USP1: variants seen among roughly 807,000 people sequenced by gnomAD.
USP1 encodes ubiquitin carboxyl-terminal hydrolase 1.
A neutral mutation model predicts 72.2 loss-of-function variants in USP1; 18 were observed. The ratio of observed to expected loss-of-function variants is 0.25; its 90% confidence interval spans 0.17 to 0.37. USP1 has a LOEUF of 0.37. Among genes scored for constraint, USP1 ranks in the 10% least tolerant of loss-of-function variants. The pLI, the probability that USP1 is intolerant of heterozygous loss-of-function variation, is 1.00. For missense variants in USP1, 759 were observed against 884.9 expected (o/e 0.86, Z 1.81); for synonymous variants, 354 against 303.7 (o/e 1.17, Z -1.72).
At chr1:62,440,757 G>A (rs1267509814) in intron 2 of USP1, among the ~76,000 whole-genome samples, 1 of 152,106 alleles carries the variant, frequency 6.6e-6, no homozygotes, top group African/African-American at 2.4e-5. Context: ...AGGTGCTAGA[G>A]TAATAATAGC....
rs534244761 is a variant in USP1, at chr1:62,439,811, A to G, written c.-57A>G. ...CTGTGATTAACAGATATAATTGGTG[A>G]TTACAACTTTCCTCTATAAATTAAC... is the stretch of plus-strand genomic sequence containing the variant. On this transcript the variant is annotated 5_prime_UTR_variant, in exon 2 of 9. It removes the in-frame stop codon of an upstream open reading frame in the 5' UTR. Transcript: ENST00000339950. 4 of 1,308,536 alleles carry G rather than the reference A, an allele frequency of 3.1e-6. No individual in the cohort carries two copies. The highest frequency in any genetic ancestry group is 1.5e-5 in the African/African-American group (1 of 66,260). 81.1% of individuals were successfully genotyped at this position (1,308,536 alleles called of 1,614,324 possible).
intron 1 of USP1, among the ~76,000 whole-genome samples, chr1:62,438,302 G>C (rs940845592): frequency 2.0e-5 from 3 of 152,072 alleles, no homozygotes; most frequent in Non-Finnish European, 4.4e-5. Context: ...TTAATGCTTG[G>C]CGATCCCTGA....
intron 8 of USP1, 116 bp downstream of exon 8, chr1:62,448,782 G>T: frequency 9.3e-7 from 1 of 1,069,612 alleles, no homozygotes; most frequent in Non-Finnish European, 1.3e-6. Flanking sequence ...AGATTGTAAA[G>T]ATTGCTTCAG....
intron 6 of USP1, among the ~76,000 whole-genome samples, chr1:62,446,711 G>A (rs1398385686): frequency 6.6e-6 from 1 of 152,182 alleles, no homozygotes; most frequent in Admixed American, 6.5e-5. Context: ...TATTGATATA[G>A]TGAATAGTTT....
At chr1:62,437,724 C>T (rs1292549221) in intron 1 of USP1, among the ~76,000 whole-genome samples, 10 of 152,236 alleles carry the variant, frequency 6.6e-5, no homozygotes, top group Admixed American at 5.9e-4. Context: ...CTTTCCGTTC[C>T]CGAGAGCGGT....
intron 2 of USP1, 25 bp from the exon 3 acceptor site, chr1:62,441,463 T>A: frequency 6.4e-7 from 1 of 1,568,790 alleles, no homozygotes; most frequent in Non-Finnish European, 8.6e-7. Flanking sequence ...TAACTACTTA[T>A]CGTTCTCCCT....
At chr1:62,443,799 A>C (rs1645150124) in intron 5 of USP1, among the ~76,000 whole-genome samples, 1 of 152,220 alleles carries the variant, frequency 6.6e-6, no homozygotes, top group South Asian at 2.1e-4. Context: ...TTAGAGGAGA[A>C]CTGTTGGCTA....
chr1:62,441,142 A>G (rs1046317674), intron 2 of USP1, among the ~76,000 whole-genome samples: 1 of 152,104 alleles, frequency 6.6e-6, no homozygotes, highest in Admixed American at 6.5e-5. Flanking sequence ...GTTTATTCCC[A>G]GGTTTCTGTT....
At chr1:62,447,583 A>C (rs1264566222) in intron 7 of USP1, 72 bp downstream of exon 7, 1 of 1,511,322 alleles carries the variant, frequency 6.6e-7, no homozygotes. Flanking sequence ...AAAGTTTAAT[A>C]GTAGCTGGTG....
At chr1:62,442,410 T>C (rs1373146331) in intron 4 of USP1, 111 bp downstream of exon 4, 1 of 748,042 alleles carries the variant, frequency 1.3e-6, no homozygotes, top group Non-Finnish European at 2.1e-6. Context: ...AGATTATTTC[T>C]CTGTTAGCGA....
chr1:62,450,843 A>AAAGG lies in USP1; in HGVS notation c.2222_2225dup (p.Tyr743GlyfsTer3). On this transcript the variant is annotated frameshift_variant, in exon 9 of 9. Transcript: ENST00000339950. LOFTEE classifies it high-confidence loss of function. The stretch of plus-strand genomic sequence containing the variant: ...AAATTTCATACGTAGTGCAAAGCTT[A>AAAGG]AAGGAGTATGAGGGGAAGTGGTTGC... 6.2e-7 allele frequency: 1 copy of AAAGG among 1,614,088 alleles called. No individual in the cohort carries two copies. The highest frequency in any genetic ancestry group is 8.5e-7 in the Non-Finnish European group (1 of 1,179,992).
Position 62,437,316 on chromosome 1 carries a change from C to T in USP1, c.-154C>T, listed in dbSNP as rs967245599. 2.5e-6 allele frequency: 1 copy of T among 396,528 alleles called. No individual in the cohort carries two copies. 24.6% of individuals were successfully genotyped at this position (396,528 alleles called of 1,614,324 possible). A position where few individuals can be genotyped will look rare whatever the true frequency, so the allele number is the denominator to read the frequency against. On this transcript the variant is annotated 5_prime_UTR_variant, in exon 1 of 9. Transcript: ENST00000339950. Reference sequence around the variant, plus strand: ...GGCCGGGGACCCGGCGGGCTCGGGGCAGGGACTCACCTGTCGCACCCACAC... The same window carrying T: ...GGCCGGGGACCCGGCGGGCTCGGGGTAGGGACTCACCTGTCGCACCCACAC...
intron 2 of USP1, 84 bp from the exon 3 acceptor site, chr1:62,441,404 G>A (rs1255166700): frequency 2.2e-6 from 3 of 1,395,254 alleles, no homozygotes; most frequent in Non-Finnish European, 2.8e-6. Context: ...CAACTTTTGG[G>A]AAAAGACTAA....
Position 62,443,180 on chromosome 1 carries a change from T to G in USP1, c.418T>G (p.Leu140Val). 1 of 1,609,460 alleles carries G rather than the reference T, an allele frequency of 6.2e-7. No individual in the cohort carries two copies. The highest frequency in any genetic ancestry group is 8.5e-7 in the Non-Finnish European group (1 of 1,178,932). Residue 140 changes from leucine (L) to valine (V), a missense_variant, in exon 5 of 9, where the codon TTG (leucine) becomes GTG (valine). This residue lies in a region of USP1 where 71 missense variants were observed against 71.0 expected (regional missense o/e 1.00). Transcript: ENST00000339950. Reference sequence around the variant, plus strand: ...ACAGGGAAATTGCAAAGAAGATTCTTTGGCAAGTTATGAATTGATATGCAG... The same window carrying G: ...ACAGGGAAATTGCAAAGAAGATTCTGTGGCAAGTTATGAATTGATATGCAG... ...KDKGNCKEDS[L>V]ASYELICSLQ...
In USP1 at chr1:62,440,049, A is replaced by C. The variant is rs779709681; in HGVS notation, c.170+12A>C. On this transcript the variant is annotated intron_variant, in intron 2 of 8. Coordinates refer to ENST00000339950, the MANE Select transcript of USP1 (RefSeq NM_003368.5). ...AGAGCATCTGAAATGTATGTATCTT[A>C]CATTTCTGTACTTTAAAAATTCTAC... 2 of 1,424,154 alleles carry C rather than the reference A, an allele frequency of 1.4e-6. No homozygotes were observed. Among genetic ancestry groups the C allele is most frequent in the Non-Finnish European group, 1.8e-6 (2 of 1,084,304 alleles). 88.2% of individuals were successfully genotyped at this position (1,424,154 alleles called of 1,614,324 possible). A position where few individuals can be genotyped will look rare whatever the true frequency, so the allele number is the denominator to read the frequency against.
At chr1:62,439,552 GC>G (rs1174837587) in intron 1 of USP1, among the ~76,000 whole-genome samples, 19 of 152,296 alleles carry the variant, frequency 1.2e-4, no homozygotes, top group African/African-American at 4.1e-4. Flanking sequence ...ATTTTGTAAT[GC>G]GACCCTTAAT....
intron 8 of USP1, among the ~76,000 whole-genome samples, chr1:62,449,870 A>C (rs976189598): frequency 1.2e-3 from 181 of 151,626 alleles, no homozygotes; most frequent in African/African-American, 4.0e-3. Flanking sequence ...CCATGATTGC[A>C]CCACTGCAGT....
In USP1 at chr1:62,445,049, A is replaced by G. The variant is rs1220510898; in HGVS notation, c.869A>G (p.His290Arg). 2 of 1,613,114 alleles carry G rather than the reference A, an allele frequency of 1.2e-6. No homozygotes were observed. Among genetic ancestry groups the G allele is most frequent in the Non-Finnish European group, 1.7e-6 (2 of 1,179,816 alleles). Residue 290 changes from histidine (H) to arginine (R), a missense_variant, in exon 6 of 9, where the codon CAC becomes CGC. By Grantham distance (29) the His-to-Arg change is conservative. Transcript: ENST00000339950. ...AAAAAAGTTAAATTATCCAAGGAAC[A>G]CCAGTCATTGGAAGAGAACCAGAGA... Reference protein sequence around the residue: ...MKKKVKLSKEHQSLEENQRQT... With the variant: ...MKKKVKLSKERQSLEENQRQT...
Position 62,451,445 on chromosome 1 carries a change from G to C in USP1, c.*464G>C, listed in dbSNP as rs41289442. ...AGCTAAATCCTTGGGCTATGTCAGA[G>C]GCACAAAGTCTAGAATGTGTGTATT... On this transcript the variant is annotated 3_prime_UTR_variant, in exon 9 of 9. Transcript: ENST00000339950. 822 of 153,778 alleles carry C rather than the reference G, an allele frequency of 5.3e-3. 6 individuals carry two copies. The highest frequency in any genetic ancestry group is 0.037 in the Middle Eastern group (11 of 300). The allele number at this position is 153,778 out of a possible 1,614,324, so 9.5% of individuals were successfully genotyped here. A position where few individuals can be genotyped will look rare whatever the true frequency, so the allele number is the denominator to read the frequency against.
Sources: gnomAD v4.1 joint callset for allele counts (sites outside exome capture counted in the v4.1 genomes callset) on GRCh38, gnomAD v4.1.1 for gene constraint, gnomAD v4.1.1 regional missense constraint, MANE v1.5 for transcripts, NCBI Gene and HGNC (gene_info 2026-07-23, HGNC 2026-07-21) for gene names.